Variants in MMP16 observed in about 807,000 individuals in gnomAD.
MMP16 encodes matrix metallopeptidase 16.
Under a neutral mutation model 67.8 loss-of-function variants are expected in MMP16, and 12 were observed. The ratio of observed to expected loss-of-function variants is 0.18; its 90% CI spans 0.11 to 0.29. The LOEUF (loss-of-function observed/expected upper bound fraction) is 0.29. Among genes scored for constraint, MMP16 ranks in the 10% least tolerant of loss-of-function variants. The pLI is 1.00. For missense variants in MMP16, 475 were observed against 765.7 expected, an observed-to-expected ratio of 0.62 and a Z score of 4.48; for synonymous variants, 249 against 255.9, an observed-to-expected ratio of 0.97 and a Z score of 0.26.
At chr8:88,069,419 T>C (rs377682037) in intron 7 of MMP16, 188 of 526,858 alleles carry the variant, frequency 3.6e-4, no homozygotes, top group Admixed American at 2.0e-3. Flanking sequence ...GCTTTTCAGT[T>C]TGTCTTGAGA....
chr8:88,304,799 A>G (rs1384543936), intron 1 of MMP16, among the ~76,000 whole-genome samples: 5 of 152,234 alleles, frequency 3.3e-5, no homozygotes, highest in Non-Finnish European at 7.3e-5. Context: ...TGAAGGAAGC[A>G]CTAAATATGA....
Position 88,058,447 on chromosome 8 carries a change from A to C in MMP16, c.1223-2169T>G, listed in dbSNP as rs1054408637. Among the ~76,000 whole-genome samples the C allele has an allele frequency of 5.9e-5, 9 of 152,144 alleles. No individual in the cohort carries two copies. The highest frequency in any genetic ancestry group is 1.3e-4 in the Non-Finnish European group (9 of 68,020). Reference sequence around the variant, plus strand: ...TGATAGAGAAGTGAACCAGAAGGTCAACATCTCTATCTCATGAAGCTTAGA... The same window carrying C: ...TGATAGAGAAGTGAACCAGAAGGTCCACATCTCTATCTCATGAAGCTTAGA... On this transcript the variant is annotated intron_variant, in intron 7 of 9. Transcript: ENST00000286614. The surrounding 1 kb of genome is among the most constrained non-coding windows in gnomAD (Gnocchi z 4.2).
intron 6 of MMP16, among the ~76,000 whole-genome samples, chr8:88,094,405 T>C (rs1414834300): frequency 4.6e-5 from 7 of 151,730 alleles, no homozygotes; most frequent in South Asian, 2.1e-4. Context: ...TGTTCACTGA[T>C]TTTCAAATTA....
chr8:88,179,595 A>G (rs1375567007), intron 3 of MMP16, among the ~76,000 whole-genome samples: 1 of 152,194 alleles, frequency 6.6e-6, no homozygotes, highest in Non-Finnish European at 1.5e-5. Flanking sequence ...TCTAACAATA[A>G]CTTTTCAAAA....
intron 4 of MMP16, among the ~76,000 whole-genome samples, chr8:88,129,471 A>G (rs1807990512): frequency 1.3e-5 from 2 of 151,710 alleles, no homozygotes; most frequent in South Asian, 4.1e-4. Context: ...AACAGCAAGT[A>G]TAGTAAAGAA....
chr8:88,269,018 C>A (rs984763508), intron 1 of MMP16, among the ~76,000 whole-genome samples: 3 of 152,050 alleles, frequency 2.0e-5, no homozygotes, highest in African/African-American at 7.2e-5. Flanking sequence ...TAAAAAGCAG[C>A]AATCCAGACT....
chr8:88,211,393 T>C (rs1809510801), intron 1 of MMP16, among the ~76,000 whole-genome samples: 1 of 152,168 alleles, frequency 6.6e-6, no homozygotes, highest in Non-Finnish European at 1.5e-5. Flanking sequence ...GGCAGAATGC[T>C]AGATCCTAGG....
At chr8:88,066,055 G>A (rs1405780723) in intron 7 of MMP16, among the ~76,000 whole-genome samples, 1 of 152,054 alleles carries the variant, frequency 6.6e-6, no homozygotes, top group Non-Finnish European at 1.5e-5. Context: ...AGGGTAATAA[G>A]TACTGCTTAA....
chr8:88,143,730 T>C (rs1808248674), intron 4 of MMP16, among the ~76,000 whole-genome samples: 1 of 151,924 alleles, frequency 6.6e-6, no homozygotes, highest in South Asian at 2.1e-4. Flanking sequence ...TAAAATGCAG[T>C]CATTGTTTTT....
intron 1 of MMP16, among the ~76,000 whole-genome samples, chr8:88,238,380 G>A (rs573843436): frequency 1.8e-4 from 27 of 151,976 alleles, no homozygotes; most frequent in Admixed American, 9.8e-4. Flanking sequence ...GGGTGCAGCC[G>A]GGCCCAGTGG....
At chr8:88,061,031 A>T (rs1368576362) in intron 7 of MMP16, among the ~76,000 whole-genome samples, 1 of 151,934 alleles carries the variant, frequency 6.6e-6, no homozygotes. Flanking sequence ...TGTGCTGAAA[A>T]ATCATTTATT....
At chr8:88,276,229 A>G (rs1165976957) in intron 1 of MMP16, among the ~76,000 whole-genome samples, 3 of 152,136 alleles carry the variant, frequency 2.0e-5, no homozygotes, top group East Asian at 3.9e-4. Context: ...CAGACACACA[A>G]AAGTATACCT....
intron 7 of MMP16, among the ~76,000 whole-genome samples, chr8:88,059,697 A>G (rs975378925): frequency 6.6e-6 from 1 of 152,000 alleles, no homozygotes; most frequent in African/African-American, 2.4e-5. Flanking sequence ...TCTAAAGGTA[A>G]TACTATCACT....
At chr8:88,176,451 A>G (rs183254295) in intron 3 of MMP16, among the ~76,000 whole-genome samples, 1 of 152,312 alleles carries the variant, frequency 6.6e-6, no homozygotes. Flanking sequence ...TACACTGCCA[A>G]CAGTTTGGAA....
chr8:88,091,141 T>C (rs1808927634), intron 6 of MMP16, among the ~76,000 whole-genome samples: 2 of 151,780 alleles, frequency 1.3e-5, no homozygotes, highest in Admixed American at 1.3e-4. Flanking sequence ...ACTCATATGA[T>C]TAAAAAATCA....
At chr8:88,051,024 T>A (rs1415469617) in intron 8 of MMP16, among the ~76,000 whole-genome samples, 1 of 152,146 alleles carries the variant, frequency 6.6e-6, no homozygotes, top group African/African-American at 2.4e-5. Context: ...AAACAATAAT[T>A]TAGGATCATT....
At chr8:88,273,318 C>T (rs1041484051) in intron 1 of MMP16, among the ~76,000 whole-genome samples, 1 of 151,196 alleles carries the variant, frequency 6.6e-6, no homozygotes, top group African/African-American at 2.4e-5. Flanking sequence ...CTTGAACTCC[C>T]AGCCTCATGT....
intron 4 of MMP16, among the ~76,000 whole-genome samples, chr8:88,136,830 T>C (rs535899731): frequency 6.1e-4 from 93 of 151,842 alleles, no homozygotes; most frequent in African/African-American, 2.1e-3. Flanking sequence ...AATATTCCAC[T>C]ACATATGTTT....
At chr8:88,069,267 G>A (rs955480325) in intron 7 of MMP16, 16 of 339,064 alleles carry the variant, frequency 4.7e-5, no homozygotes, top group Non-Finnish European at 9.3e-5. Flanking sequence ...CAATGTAGAG[G>A]TCATGCACAT....
Sources: gnomAD v4.1 joint callset for allele counts (sites outside exome capture counted in the v4.1 genomes callset) on GRCh38, gnomAD v4.1.1 for gene constraint, Gnocchi (gnomAD v3.1) non-coding constraint, MANE v1.5 for transcripts, NCBI Gene and HGNC (gene_info 2026-07-23, HGNC 2026-07-21) for gene names.